The following SEMA6D variants were observed in gnomAD, a reference collection of about 807,000 sequenced individuals.
SEMA6D encodes semaphorin 6D.
A neutral mutation model predicts 106.6 loss-of-function variants in SEMA6D; 35 were observed. That is an observed-to-expected ratio of 0.33 (90% CI 0.25 to 0.44). The LOEUF is 0.44. SEMA6D is among the 20% of genes least tolerant of loss of function. The pLI, the probability that SEMA6D is intolerant of heterozygous loss-of-function variation, is 1.00. For missense variants in SEMA6D, 1,185 were observed against 1,345.9 expected, an observed-to-expected ratio of 0.88 and a Z score of 1.87; for synonymous variants, 499 against 487.7, an observed-to-expected ratio of 1.02 and a Z score of -0.31.
chr15:47,553,879 G>A (rs1317989429), intron 3 of SEMA6D, among the ~76,000 whole-genome samples: 1 of 152,144 alleles, frequency 6.6e-6, no homozygotes, highest in Non-Finnish European at 1.5e-5. Flanking sequence ...AGAATAAGGG[G>A]AAAAACTATC....
At chr15:47,295,560 C>T (rs903979) in intron 1 of SEMA6D, among the ~76,000 whole-genome samples, 131,712 of 152,198 alleles carry the variant, frequency 0.87, 58,784 homozygotes, top group East Asian at 0.99. Flanking sequence ...GAGAAATAAC[C>T]ACTGTGTGTG....
At chr15:47,742,284 T>C (rs2080867776) in intron 1 of SEMA6D, among the ~76,000 whole-genome samples, 1 of 137,092 alleles carries the variant, frequency 7.3e-6, no homozygotes, top group African/African-American at 3.0e-5. Context: ...ATTTTCTCAC[T>C]TGTCCCTTTA....
At chr15:47,219,220 C>A (rs183846927) in intron 1 of SEMA6D, among the ~76,000 whole-genome samples, 1 of 152,268 alleles carries the variant, frequency 6.6e-6, no homozygotes, top group East Asian at 1.9e-4. Context: ...TGTAAAGAAG[C>A]TGGATGGAGT....
intron 4 of SEMA6D, among the ~76,000 whole-genome samples, chr15:47,641,069 A>C (rs924425774): frequency 6.6e-6 from 1 of 152,122 alleles, no homozygotes; most frequent in South Asian, 2.1e-4. Context: ...AATGGAGCGG[A>C]GTGGGAGGGG....
rs567473116 is a variant in SEMA6D, at chr15:47,451,275, GC to G, written c.-158-19198del. ...GAGCCCTGTGAACCCAAAATCGAAT[GC>G]AAAATGGTTGATGTGCATACTACTG... On this transcript the variant is annotated intron_variant, in intron 2 of 19. Transcript: ENST00000558014. 4.4e-4 allele frequency among the ~76,000 whole-genome samples: 67 copies of G among 152,124 alleles called. No homozygotes were observed. In the South Asian group the frequency reaches 0.013, roughly 29 times the overall value.
intron 1 of SEMA6D, among the ~76,000 whole-genome samples, chr15:47,268,194 A>G (rs2034407287): frequency 6.6e-6 from 1 of 152,186 alleles, no homozygotes; most frequent in African/African-American, 2.4e-5. Context: ...TTTAAAGAGT[A>G]CTAATGCCTG....
At chr15:47,564,801 A>C (rs186232133) in intron 3 of SEMA6D, among the ~76,000 whole-genome samples, 1 of 152,120 alleles carries the variant, frequency 6.6e-6, no homozygotes, top group Admixed American at 6.5e-5. Context: ...GCCCTACCCC[A>C]TCCTGTGCCT....
At chr15:47,392,548 A>C (rs1438040917) in intron 1 of SEMA6D, among the ~76,000 whole-genome samples, 1 of 152,080 alleles carries the variant, frequency 6.6e-6, no homozygotes, top group African/African-American at 2.4e-5. Flanking sequence ...GGGGAATGCA[A>C]GCAGCCTCTA....
intron 8 of SEMA6D, among the ~76,000 whole-genome samples, chr15:47,762,686 A>G (rs554036970): frequency 6.6e-6 from 1 of 152,324 alleles, no homozygotes; most frequent in Non-Finnish European, 1.5e-5. Flanking sequence ...TGTTCTTCAG[A>G]GTCTAGAAAT....
At chr15:47,745,999 T>C (rs1178646204) in intron 1 of SEMA6D, among the ~76,000 whole-genome samples, 1 of 152,246 alleles carries the variant, frequency 6.6e-6, no homozygotes, top group Non-Finnish European at 1.5e-5. Flanking sequence ...AGGTTAATGC[T>C]CTAAATCTTT....
intron 1 of SEMA6D, among the ~76,000 whole-genome samples, chr15:47,184,898 C>T (rs574126585): frequency 6.6e-6 from 1 of 152,324 alleles, no homozygotes; most frequent in African/African-American, 2.4e-5. Context: ...TTTTTAGATA[C>T]GGCATCTAAT....
intron 4 of SEMA6D, among the ~76,000 whole-genome samples, chr15:47,678,822 T>C (rs993947973): frequency 6.6e-6 from 1 of 152,216 alleles, no homozygotes; most frequent in Non-Finnish European, 1.5e-5. Flanking sequence ...ATTTGTATCA[T>C]ATTTTATTTG....
At chr15:47,186,104 C>A (rs1323600355) in intron 1 of SEMA6D, among the ~76,000 whole-genome samples, 1 of 151,688 alleles carries the variant, frequency 6.6e-6, no homozygotes, top group Non-Finnish European at 1.5e-5. Flanking sequence ...TATATATATA[C>A]ACATATATAG....
intron 2 of SEMA6D, among the ~76,000 whole-genome samples, chr15:47,462,446 C>T (rs2042543077): frequency 6.6e-6 from 1 of 152,102 alleles, no homozygotes; most frequent in Non-Finnish European, 1.5e-5. Flanking sequence ...TCTCTCTTCT[C>T]AGACGGGAAC....
chr15:47,436,162 G>C (rs1423656458), intron 2 of SEMA6D, among the ~76,000 whole-genome samples: 1 of 152,080 alleles, frequency 6.6e-6, no homozygotes, highest in Admixed American at 6.6e-5. Context: ...GGCCGAGGCA[G>C]GTGGATCACC....
chr15:47,533,930 T>C (rs1184619748), intron 3 of SEMA6D, among the ~76,000 whole-genome samples: 1 of 152,232 alleles, frequency 6.6e-6, no homozygotes, highest in Non-Finnish European at 1.5e-5. Context: ...GATTTATGAG[T>C]AATGTAAGTG....
intron 3 of SEMA6D, among the ~76,000 whole-genome samples, chr15:47,504,568 T>TA (rs1412363245): frequency 6.6e-6 from 1 of 152,194 alleles, no homozygotes; most frequent in Non-Finnish European, 1.5e-5. Flanking sequence ...AACAGGGAAT[T>TA]ACAGTCGTCA....
rs1396286007 is a variant in SEMA6D at position 47,772,805 on chromosome 15, C to CCCA, written c.*1022_*1023insACC. On this transcript the variant is annotated 3_prime_UTR_variant, in exon 19 of 19. Coordinates refer to ENST00000536845, the MANE Select transcript of SEMA6D (RefSeq NM_001358351.3). ...TTTTATTTTGATTGTGTTCGTTTCC[C>CCCA]CCCCCCCAATAGTAAAATTTCTCCT... 9.1e-6 allele frequency: 1 copy of CCCA among 109,960 alleles called. No individual in the cohort carries two copies. Among genetic ancestry groups the CCCA allele is most frequent in the Admixed American group, 1.2e-4 (1 of 8,632 alleles). 6.8% of individuals were successfully genotyped at this position (109,960 alleles called of 1,614,324 possible).
intron 1 of SEMA6D, among the ~76,000 whole-genome samples, chr15:47,226,447 G>T (rs547031955): frequency 6.0e-4 from 91 of 152,168 alleles, no homozygotes; most frequent in Non-Finnish European, 1.1e-3. Context: ...AACCAAGAAG[G>T]TATCTGAGTA....
Sources: gnomAD v4.1 joint callset for allele counts (sites outside exome capture counted in the v4.1 genomes callset) on GRCh38, gnomAD v4.1.1 for gene constraint, MANE v1.5 for transcripts, NCBI Gene and HGNC (gene_info 2026-07-23, HGNC 2026-07-21) for gene names.